The following PHACTR4 variants were observed in gnomAD, a reference collection of about 807,000 sequenced individuals.
The protein encoded by PHACTR4 is protein phosphatase 1, regulatory subunit 124.
PHACTR4 carries 51 observed loss-of-function variants against 72.7 expected under a neutral mutation model. The ratio of observed to expected loss-of-function variants is 0.70; its 90% CI spans 0.56 to 0.89. The LOEUF (loss-of-function observed/expected upper bound fraction) is 0.89. PHACTR4 is among the 40% of genes least tolerant of loss of function. PHACTR4 has a pLI of 0.00. For missense variants in PHACTR4, 731 were observed against 861.8 expected, an observed-to-expected ratio of 0.85 and a Z score of 1.90; for synonymous variants, 255 against 302.5, an observed-to-expected ratio of 0.84 and a Z score of 1.63.
chr1:28,401,321 G>T (rs11247804), intron 1 of PHACTR4, among the ~76,000 whole-genome samples: 23,320 of 80,374 alleles, frequency 0.29, 2,198 homozygotes, highest in African/African-American at 0.39. Flanking sequence ...TTTTTTTTTT[G>T]GGGGGGATGG....
At chr1:28,446,440 T>G (rs1030884965) in intron 2 of PHACTR4, among the ~76,000 whole-genome samples, 1 of 152,152 alleles carries the variant, frequency 6.6e-6, no homozygotes, top group Non-Finnish European at 1.5e-5. Context: ...ACCATCCACT[T>G]AGTACTGTCC....
intron 2 of PHACTR4, among the ~76,000 whole-genome samples, chr1:28,411,754 G>T (rs11811698): frequency 0.094 from 14,222 of 151,916 alleles, 1,475 homozygotes; most frequent in African/African-American, 0.26. Flanking sequence ...CACCACTAAA[G>T]AACGTATTCA....
intron 2 of PHACTR4, among the ~76,000 whole-genome samples, chr1:28,413,967 A>G (rs1275044656): frequency 6.6e-6 from 1 of 152,246 alleles, no homozygotes; most frequent in Non-Finnish European, 1.5e-5. Flanking sequence ...TTGGATGGTA[A>G]GGGGTGAAGA....
chr1:28,433,403 G>A (rs1656407521), intron 2 of PHACTR4, among the ~76,000 whole-genome samples: 1 of 151,406 alleles, frequency 6.6e-6, no homozygotes, highest in South Asian at 2.1e-4. Context: ...GGAACATGTA[G>A]TGTCTTGGCA....
chr1:28,439,831 AC>A (rs1656873133), intron 2 of PHACTR4, among the ~76,000 whole-genome samples: 1 of 152,186 alleles, frequency 6.6e-6, no homozygotes, highest in Non-Finnish European at 1.5e-5. Flanking sequence ...TGTGGTTTCT[AC>A]GCCAAACATT....
intron 4 of PHACTR4, among the ~76,000 whole-genome samples, chr1:28,460,732 C>T (rs1658741886): frequency 6.6e-6 from 1 of 152,160 alleles, no homozygotes; most frequent in African/African-American, 2.4e-5. Flanking sequence ...TGGTCTTGAA[C>T]TTCTAACCTC....
chr1:28,416,082 A>G (rs1393824895), intron 2 of PHACTR4, among the ~76,000 whole-genome samples: 2 of 152,188 alleles, frequency 1.3e-5, no homozygotes, highest in Non-Finnish European at 2.9e-5. Context: ...AAAATATGCC[A>G]GTAACATAGT....
intron 2 of PHACTR4, among the ~76,000 whole-genome samples, chr1:28,415,844 GAGA>G (rs1381939957): frequency 2.6e-5 from 4 of 152,154 alleles, no homozygotes; most frequent in Non-Finnish European, 5.9e-5. Flanking sequence ...TAGGAAATAG[GAGA>G]AGTAGTTTGT....
At chr1:28,441,569 C>T (rs1389793424) in intron 2 of PHACTR4, among the ~76,000 whole-genome samples, 1 of 152,118 alleles carries the variant, frequency 6.6e-6, no homozygotes, top group African/African-American at 2.4e-5. Context: ...AACTGGTGAA[C>T]TGAGTATTTG....
At chr1:28,406,190 C>A (rs372804409) in intron 1 of PHACTR4, among the ~76,000 whole-genome samples, 2 of 152,102 alleles carry the variant, frequency 1.3e-5, no homozygotes, top group African/African-American at 4.8e-5. Flanking sequence ...GAAAACTTTA[C>A]ATTTCCAGTA....
At chr1:28,429,958 G>A (rs1656132351) in intron 2 of PHACTR4, among the ~76,000 whole-genome samples, 1 of 151,730 alleles carries the variant, frequency 6.6e-6, no homozygotes, top group Non-Finnish European at 1.5e-5. Flanking sequence ...TACCTCTCCT[G>A]TATTATCCCT....
intron 2 of PHACTR4, among the ~76,000 whole-genome samples, chr1:28,455,823 T>C (rs1046725179): frequency 2.0e-5 from 3 of 152,022 alleles, no homozygotes; most frequent in African/African-American, 7.2e-5. Context: ...AGGATATGAA[T>C]ATGTATGTGT....
At chr1:28,391,835 A>C (rs926885409) in intron 1 of PHACTR4, among the ~76,000 whole-genome samples, 1 of 151,838 alleles carries the variant, frequency 6.6e-6, no homozygotes, top group African/African-American at 2.4e-5. Context: ...TCAAACTCCC[A>C]ACCTCAGGTG....
chr1:28,385,264 C>T (rs1236105651), intron 1 of PHACTR4, among the ~76,000 whole-genome samples: 1 of 151,944 alleles, frequency 6.6e-6, no homozygotes, highest in Non-Finnish European at 1.5e-5. Flanking sequence ...TCATTCAGGG[C>T]CAGTAACAGT....
intron 9 of PHACTR4, among the ~76,000 whole-genome samples, chr1:28,482,652 T>C (rs1190150868): frequency 1.3e-5 from 2 of 152,108 alleles, no homozygotes; most frequent in African/African-American, 4.8e-5. Context: ...TACCTGGTTT[T>C]GGCTGGGCAA....
At chr1:28,382,957 T>TA (rs1161321017) in intron 1 of PHACTR4, among the ~76,000 whole-genome samples, 1 of 152,098 alleles carries the variant, frequency 6.6e-6, no homozygotes, top group Non-Finnish European at 1.5e-5. Flanking sequence ...CATGTCTGGC[T>TA]AATTTTTGTA....
At position 28,473,415 on chromosome 1, in the gene PHACTR4, A is replaced by G. The variant is rs1369658161; in HGVS notation, c.824-139A>G. 16 of 682,620 alleles carry G rather than the reference A, an allele frequency of 2.3e-5. No individual in the cohort carries two copies. In the East Asian group the frequency reaches 4.0e-4, roughly 17 times the overall value. The allele number at this position is 682,620 out of a possible 1,614,324, so 42.3% of individuals were successfully genotyped here. A position where few individuals can be genotyped will look rare whatever the true frequency, so the allele number is the denominator to read the frequency against. ...TAAACTTCATTTCAGGATAAAATAT[A>G]TAGGGAATGGCAAAACTATGAAATT... is the stretch of plus-strand genomic sequence containing the variant. On this transcript the variant is annotated intron_variant, in intron 6 of 13. Coordinates refer to ENST00000373839, the MANE Select transcript of PHACTR4 (RefSeq NM_001048183.3).
chr1:28,490,177 G>A (rs755214510), intron 10 of PHACTR4, among the ~76,000 whole-genome samples: 6 of 152,180 alleles, frequency 3.9e-5, no homozygotes, highest in Non-Finnish European at 7.3e-5. Context: ...GAGATGTGGT[G>A]CCATAGTTTG....
Position 28,466,384 on chromosome 1 carries a change from T to A in PHACTR4, c.439T>A (p.Ser147Thr). The A allele has an allele frequency of 6.2e-7, 1 of 1,609,124 alleles. No homozygotes were observed. The highest frequency in any genetic ancestry group is 8.5e-7 in the Non-Finnish European group (1 of 1,175,768). Residue 147 changes from serine to threonine, a missense_variant and splice_region_variant, in exon 6 of 14, where the codon TCA becomes ACA. Around this residue, in one of 2 missense-constraint regions of PHACTR4, gnomAD observed 621 missense variants for 676.6 expected, o/e 0.92. Transcript: ENST00000373839. ...ATACCATACATGTTATTACACAGGC[T>A]CAACTGGAAGCCAGCCTAATTCTGA... Reference protein sequence around the residue: ...PEEDLKKRLGSTGSQPNSEAE... With the variant: ...PEEDLKKRLGTTGSQPNSEAE...
Sources: allele counts gnomAD v4.1 joint callset (sites outside exome capture counted in the v4.1 genomes callset), GRCh38; gene constraint gnomAD v4.1.1; regional missense constraint gnomAD v4.1.1; transcripts MANE v1.5; gene names NCBI Gene and HGNC (gene_info 2026-07-23, HGNC 2026-07-21).